Variants in COL24A1 observed in about 807,000 individuals in gnomAD.
The protein encoded by COL24A1 is collagen type XXIV alpha 1 chain.
Under a neutral mutation model 253.9 loss-of-function variants are expected in COL24A1, and 224 were observed. The ratio of observed to expected loss-of-function variants is 0.88; its 90% confidence interval spans 0.79 to 0.99. The LOEUF is 0.99. COL24A1 is among the 50% of genes least tolerant of loss of function. The pLI is 0.00. For synonymous variants in COL24A1, 685 were observed against 673.7 expected (o/e 1.02, Z -0.26); for missense variants, 2,131 against 2,068.5 (o/e 1.03, Z -0.59).
At chr1:85,818,198 G>GTTC in intron 45 of COL24A1, 111 bp from the exon 46 acceptor site, 2 of 733,480 alleles carry the variant, frequency 2.7e-6, no homozygotes, top group Non-Finnish European at 4.7e-6. Flanking sequence ...GCACGAACTA[G>GTTC]TTGTATATCA....
chr1:85,961,200 TA>T (rs1289682265), intron 24 of COL24A1, 48 bp downstream of exon 24: 2 of 1,374,976 alleles, frequency 1.5e-6, no homozygotes, highest in Non-Finnish European at 2.1e-6. Flanking sequence ...ATATGATTCC[TA>T]AAAATGCTTA....
intron 24 of COL24A1, among the ~76,000 whole-genome samples, chr1:85,950,717 C>T (rs1689811063): frequency 6.6e-6 from 1 of 151,838 alleles, no homozygotes; most frequent in African/African-American, 2.4e-5. Flanking sequence ...ACTTAAGGTC[C>T]AGAAGGGAAA....
chr1:85,922,865 G>A (rs567199869), intron 24 of COL24A1, among the ~76,000 whole-genome samples: 36 of 152,054 alleles, frequency 2.4e-4, no homozygotes, highest in African/African-American at 6.0e-4. Context: ...TAAAAGACAC[G>A]GACTGGCAAA....
At chr1:85,920,993 G>A (rs1422659600) in intron 24 of COL24A1, among the ~76,000 whole-genome samples, 3 of 152,034 alleles carry the variant, frequency 2.0e-5, no homozygotes, top group African/African-American at 7.2e-5. Context: ...CATGTTCCAA[G>A]ATGGCCAAAT....
chr1:85,845,821 T>C (rs1677090741), intron 39 of COL24A1, among the ~76,000 whole-genome samples: 1 of 151,838 alleles, frequency 6.6e-6, no homozygotes. Context: ...AAGGGAAATA[T>C]TTTATTGATG....
chr1:85,766,540 G>C (rs568679114), intron 53 of COL24A1, among the ~76,000 whole-genome samples: 104 of 152,134 alleles, frequency 6.8e-4, no homozygotes, highest in African/African-American at 2.5e-3. Context: ...AGCTCTCTCA[G>C]TGGTGGAAAG....
At chr1:85,964,892 T>G in intron 23 of COL24A1, 117 bp downstream of exon 23, 2 of 823,508 alleles carry the variant, frequency 2.4e-6, no homozygotes, top group Non-Finnish European at 3.8e-6. Flanking sequence ...GTAACAGTTT[T>G]AACATCTCAC....
intron 3 of COL24A1, among the ~76,000 whole-genome samples, chr1:86,122,738 C>T (rs1290508002): frequency 6.6e-6 from 1 of 151,914 alleles, no homozygotes; most frequent in Non-Finnish European, 1.5e-5. Flanking sequence ...TCTCTTGAAT[C>T]CTACTTTTCC....
Position 85,849,400 on chromosome 1 carries a change from C to A in COL24A1, c.3307G>T (p.Glu1103Ter). The A allele has an allele frequency of 6.2e-7, 1 of 1,610,886 alleles. No homozygotes were observed. The highest frequency in any genetic ancestry group is 8.5e-7 in the Non-Finnish European group (1 of 1,177,984). The change falls in exon 38 of 60, where the codon GAA becomes TAA. Residue 1103 changes from glutamate to a stop codon, truncating the protein, a stop_gained. Transcript: ENST00000370571. LOFTEE classifies it high-confidence loss of function. ...TGCCCTGGAATTCCCACAATTCCTT[C>A]AGGTCCCTAAAATATTCAATATAAA... ...RSGQTGLPGP[E>*]GIVGIPGQRG... is the part of the protein sequence containing the mutation.
chr1:86,062,408 T>TC (rs397935546), intron 8 of COL24A1, among the ~76,000 whole-genome samples: 2 of 152,020 alleles, frequency 1.3e-5, no homozygotes, highest in Admixed American at 6.6e-5. Context: ...GTTTTTTTTT[T>TC]CTGGAAACAA....
At chr1:85,822,292 G>A (rs888207703) in intron 45 of COL24A1, among the ~76,000 whole-genome samples, 6 of 152,108 alleles carry the variant, frequency 3.9e-5, no homozygotes, top group African/African-American at 1.2e-4. Flanking sequence ...ACAAATATGG[G>A]TGAAGGCTGC....
chr1:85,734,788 GTTTAC>G lies in COL24A1; in HGVS notation c.4954_4958del (p.Val1652HisfsTer4). 1 of 1,614,198 alleles carries G rather than the reference GTTTAC, an allele frequency of 6.2e-7. No individual in the cohort carries two copies. Among genetic ancestry groups the G allele is most frequent in the Non-Finnish European group, 8.5e-7 (1 of 1,180,038 alleles). On this transcript the variant is annotated frameshift_variant, in exon 59 of 60. Coordinates refer to ENST00000370571, the MANE Select transcript of COL24A1 (RefSeq NM_152890.7). LOFTEE classifies it high-confidence loss of function. ...AAAGCACTTTAGGTTCAAGTAGAGT[GTTTAC>G]TTTAAAAATCTGGCCATTCCATCCC... is the stretch of plus-strand genomic sequence containing the variant.
intron 12 of COL24A1, among the ~76,000 whole-genome samples, chr1:86,041,839 G>A (rs1451300211): frequency 6.6e-6 from 1 of 152,110 alleles, no homozygotes; most frequent in African/African-American, 2.4e-5. Context: ...GTTGTCCACT[G>A]TCTTGTCTTT....
At position 85,734,952 on chromosome 1, in the gene COL24A1, CT is replaced by C. The variant is rs1335139259; in HGVS notation, c.4794del (p.Val1599LeufsTer6). ...AGGAAGTTCATCTGGACTTTCCCAA[CT>C]CCAAACTCCAACTAATGTCATAGAA... The part of the protein sequence containing the change: ...PPVSVTKLEF[G>X]VGKVQMNFLH... On this transcript the variant is annotated frameshift_variant, in exon 59 of 60. Transcript: ENST00000370571. LOFTEE classifies it high-confidence loss of function. 1 of 1,614,002 alleles carries C rather than the reference CT, an allele frequency of 6.2e-7. No individual in the cohort carries two copies. Among genetic ancestry groups the C allele is most frequent in the Non-Finnish European group, 8.5e-7 (1 of 1,179,976 alleles).
At chr1:85,927,128 G>C (rs191243084) in intron 24 of COL24A1, among the ~76,000 whole-genome samples, 2 of 152,262 alleles carry the variant, frequency 1.3e-5, no homozygotes, top group South Asian at 2.1e-4. Context: ...CAGCGTGAGC[G>C]ACGCAGAAGA....
intron 53 of COL24A1, among the ~76,000 whole-genome samples, chr1:85,763,492 CT>C (rs371408246): frequency 0.011 from 1,391 of 124,494 alleles, 41 homozygotes; most frequent in Admixed American, 0.065. Context: ...CTTTTACTTT[CT>C]TTTTTTTTTT....
In COL24A1 at chr1:85,875,255, C is replaced by T. The variant is rs541716088; in HGVS notation, c.3084+22G>A. 4 of 1,608,230 alleles carry T rather than the reference C, an allele frequency of 2.5e-6. No homozygotes were observed. The South Asian group carries it at 4.4e-5, about 18-fold the overall frequency. ...TCAATGGTGAAAGTTTAGAGATTCT[C>T]CTTTATTTTTTAGAAGGTTACCTTT... On this transcript the variant is annotated intron_variant, in intron 34 of 59. Coordinates refer to ENST00000370571, the MANE Select transcript of COL24A1 (RefSeq NM_152890.7).
intron 14 of COL24A1, among the ~76,000 whole-genome samples, chr1:86,028,447 G>A (rs1049509462): frequency 2.0e-5 from 3 of 152,086 alleles, no homozygotes; most frequent in Non-Finnish European, 4.4e-5. Context: ...TGAGGCTCAC[G>A]AGATCTCATG....
chr1:86,107,645 C>T (rs897389351), intron 5 of COL24A1, among the ~76,000 whole-genome samples: 3 of 151,980 alleles, frequency 2.0e-5, no homozygotes, highest in Admixed American at 6.6e-5. Context: ...CGCCATTCTC[C>T]TGCCTCAGCC....
Sources: allele counts gnomAD v4.1 joint callset (sites outside exome capture counted in the v4.1 genomes callset), GRCh38; gene constraint gnomAD v4.1.1; transcripts MANE v1.5; gene names NCBI Gene and HGNC (gene_info 2026-07-23, HGNC 2026-07-21).